SYVN1: variants seen among roughly 807,000 people sequenced by gnomAD.
SYVN1 encodes E3 ubiquitin-protein ligase synoviolin.
In SYVN1, 17 loss-of-function variants were observed where a neutral mutation model predicts 62.6. The ratio of observed to expected loss-of-function variants is 0.27; its 90% CI spans 0.19 to 0.41. The LOEUF (loss-of-function observed/expected upper bound fraction) is 0.41, where lower values mean the gene tolerates loss of function less well. Among genes scored for constraint, SYVN1 ranks in the 10% least tolerant of loss-of-function variants. SYVN1 has a pLI of 1.00. For missense variants in SYVN1, 634 were observed against 818.0 expected (o/e 0.78, Z 2.74); for synonymous variants, 316 against 304.0 (o/e 1.04, Z -0.41).
intron 14 of SYVN1, chr11:65,129,384 GGGC>G: frequency 4.4e-6 from 1 of 224,732 alleles, no homozygotes; most frequent in Non-Finnish European, 8.8e-6. Flanking sequence ...CTCAGTTTGG[GGGC>G]AGCAATTGCC....
At chr11:65,133,127 C>T (rs1193790405) in intron 3 of SYVN1, 33 bp downstream of exon 3, 3 of 1,614,080 alleles carry the variant, frequency 1.9e-6, no homozygotes, top group Non-Finnish European at 1.7e-6. Context: ...TCCCAGCACC[C>T]TGCCCTCACC....
In SYVN1 at chr11:65,130,072, T is replaced by G; in HGVS notation, c.1338A>C (p.Pro446=). 1 of 1,608,886 alleles carries G rather than the reference T, an allele frequency of 6.2e-7. No homozygotes were observed. Among genetic ancestry groups the G allele is most frequent in the Non-Finnish European group, 8.5e-7 (1 of 1,177,288 alleles). The change falls in exon 13 of 16, where the codon CCA becomes CCC. Residue 446 remains proline, a synonymous_variant. Transcript: ENST00000377190. ...TASGPGSGSA[P]EAGPAPGFPF... Reference sequence around the variant, plus strand: ...GGAAACCAGGGGCAGGGCCAGCCTCTGGGGCAGAGCCAGAGCCTGGGCCAG... The same window carrying G: ...GGAAACCAGGGGCAGGGCCAGCCTCGGGGGCAGAGCCAGAGCCTGGGCCAG...
chr11:65,128,405 G>C lies in SYVN1; in HGVS notation c.1831C>G (p.Leu611Val), dbSNP rs780156781. ...AELRRRRLQK[L>V]ESPVAH Reference sequence around the variant, plus strand: ...TGTCAGTGGGCAACAGGAGACTCCAGCTTCTGCAGGCGGCGCCGGCGGAGC... The same window carrying C: ...TGTCAGTGGGCAACAGGAGACTCCACCTTCTGCAGGCGGCGCCGGCGGAGC... Residue 611 changes from leucine to valine, a missense_variant, in exon 16 of 16, where the codon CTG becomes GTG. By Grantham distance (32) the Leu-to-Val change is conservative. Around this residue, in one of 2 missense-constraint regions of SYVN1, gnomAD observed 351 missense variants for 373.3 expected, o/e 0.94. Transcript: ENST00000377190. 1 of 1,613,666 alleles carries C rather than the reference G, an allele frequency of 6.2e-7. No individual in the cohort carries two copies. Among genetic ancestry groups the C allele is most frequent in the East Asian group, 2.2e-5 (1 of 44,886 alleles).
In SYVN1 at chr11:65,128,705, C is replaced by T; in HGVS notation, c.1605G>A (p.Arg535=). ...CAGTGGAGTTGACTGAAGTGGCAGG[C>T]CGGGGGGGCCTGGGAAGAGAAGGGA... ...LTVLASLGPP[R]PATSVNSTEE... The change falls in exon 15 of 16, where the codon CGG becomes CGA. Residue 535 remains arginine (R), a synonymous_variant. Transcript: ENST00000377190. 6.2e-7 allele frequency: 1 copy of T among 1,608,462 alleles called. No homozygotes were observed. The highest frequency in any genetic ancestry group is 1.1e-5 in the South Asian group (1 of 90,652).
intron 1 of SYVN1, 52 bp downstream of exon 1, chr11:65,134,404 G>A (rs1216212134): frequency 2.0e-5 from 3 of 152,738 alleles, no homozygotes; most frequent in Admixed American, 6.5e-5. Flanking sequence ...TCAAGGGGAA[G>A]GTTCGGGTCC....
chr11:65,128,154 T>C lies in SYVN1; in HGVS notation c.*228A>G. ...CCCAGCAGAACACAGGGCTGAAGAGTTGGAGAGGAAGGCTGGAACTGACCC... is the reference window on the plus strand; with the variant it reads ...CCCAGCAGAACACAGGGCTGAAGAGCTGGAGAGGAAGGCTGGAACTGACCC... On this transcript the variant is annotated 3_prime_UTR_variant, in exon 16 of 16. Coordinates refer to ENST00000377190, the MANE Select transcript of SYVN1 (RefSeq NM_172230.3). 3.4e-6 allele frequency: 2 copies of C among 582,612 alleles called. No individual in the cohort carries two copies. The highest frequency in any genetic ancestry group is 6.1e-6 in the Non-Finnish European group (2 of 327,670). The allele number at this position is 582,612 out of a possible 1,614,324, so 36.1% of individuals were successfully genotyped here.
At position 65,129,924 on chromosome 11, in the gene SYVN1, A is replaced by C. The variant is rs1264909843; in HGVS notation, c.1409-9T>G. On this transcript the variant is annotated splice_polypyrimidine_tract_variant and intron_variant, in intron 13 of 15. Transcript: ENST00000377190. Reference sequence around the variant, plus strand: ...AGGCATTGGGGGGAAGGCTGGAGAGAGAGAGGCTCAGTCTGGGCTGCTGGG... The same window carrying C: ...AGGCATTGGGGGGAAGGCTGGAGAGCGAGAGGCTCAGTCTGGGCTGCTGGG... The C allele has an allele frequency of 6.2e-7, 1 of 1,612,332 alleles. No homozygotes were observed. Among genetic ancestry groups the C allele is most frequent in the South Asian group, 1.1e-5 (1 of 91,010 alleles).
chr11:65,133,941 A>C (rs1590829435), intron 1 of SYVN1, among the ~76,000 whole-genome samples: 1 of 152,016 alleles, frequency 6.6e-6, no homozygotes, highest in South Asian at 2.1e-4. Flanking sequence ...TGCACCGCTG[A>C]CCCTCCGGTG....
chr11:65,132,186 T>C, intron 6 of SYVN1, 62 bp downstream of exon 6: 1 of 1,311,584 alleles, frequency 7.6e-7, no homozygotes, highest in Non-Finnish European at 1.1e-6. Context: ...TCTGTTGGGT[T>C]ATTCAAGGCA....
rs751042478 is a variant in SYVN1, at chr11:65,129,923, G to A, written c.1409-8C>T. On this transcript the variant is annotated splice_region_variant and splice_polypyrimidine_tract_variant and intron_variant, in intron 13 of 15. Coordinates refer to ENST00000377190, the MANE Select transcript of SYVN1 (RefSeq NM_172230.3). ...CAGGCATTGGGGGGAAGGCTGGAGA[G>A]AGAGAGGCTCAGTCTGGGCTGCTGG... 2 of 1,612,622 alleles carry A rather than the reference G, an allele frequency of 1.2e-6. No homozygotes were observed. The highest frequency in any genetic ancestry group is 1.7e-6 in the Non-Finnish European group (2 of 1,179,016).
chr11:65,128,048 T>G lies in SYVN1; in HGVS notation c.*334A>C, dbSNP rs1948124001. On this transcript the variant is annotated 3_prime_UTR_variant, in exon 16 of 16. Coordinates refer to ENST00000377190, the MANE Select transcript of SYVN1 (RefSeq NM_172230.3). ...GTGACTCCGCACATACAAGTAGGGCTTGGAGGGGCAGCCCCTTCTCCTGGA... is the reference window on the plus strand; with the variant it reads ...GTGACTCCGCACATACAAGTAGGGCGTGGAGGGGCAGCCCCTTCTCCTGGA... The G allele has an allele frequency of 2.2e-6, 1 of 458,904 alleles. No individual in the cohort carries two copies. The highest frequency in any genetic ancestry group is 2.5e-5 in the South Asian group (1 of 40,322). 28.4% of individuals were successfully genotyped at this position (458,904 alleles called of 1,614,324 possible). A position where few individuals can be genotyped will look rare whatever the true frequency, so the allele number is the denominator to read the frequency against.
Position 65,132,364 on chromosome 11 carries a change from C to A in SYVN1, c.428-13G>T, listed in dbSNP as rs1458646032. 6.3e-7 allele frequency: 1 copy of A among 1,594,378 alleles called. No individual in the cohort carries two copies. Among genetic ancestry groups the A allele is most frequent in the Middle Eastern group, 1.7e-4 (1 of 6,008 alleles). ...AGGAACATAAGAGCTGTGGGGACCC[C>A]CACACATGCAGGGTGGGGGGGTCAG... On this transcript the variant is annotated splice_polypyrimidine_tract_variant and intron_variant, in intron 5 of 15. Transcript: ENST00000377190.
chr11:65,128,273 G>T lies in SYVN1; in HGVS notation c.*109C>A. On this transcript the variant is annotated 3_prime_UTR_variant, in exon 16 of 16. Coordinates refer to ENST00000377190, the MANE Select transcript of SYVN1 (RefSeq NM_172230.3). ...GATGCCGCCTCTTTCTCAGAGCTGG[G>T]GGTACTACTCCCTGGTGCAGACAGA... The T allele has an allele frequency of 1.1e-6, 1 of 906,044 alleles. No homozygotes were observed. The highest frequency in any genetic ancestry group is 1.7e-6 in the Non-Finnish European group (1 of 579,360). The allele number at this position is 906,044 out of a possible 1,614,324, so 56.1% of individuals were successfully genotyped here.
intron 14 of SYVN1, 171 bp downstream of exon 14, chr11:65,129,558 G>C: frequency 1.7e-6 from 1 of 593,524 alleles, no homozygotes; most frequent in East Asian, 2.8e-5. Context: ...TTTCTGGAGT[G>C]GGAAATAAAG....
Position 65,131,386 on chromosome 11 carries a change from G to A in SYVN1, c.659-13C>T, listed in dbSNP as rs1268232612. ...ACCTTGATGAAGCCTGAGGGGAGGG[G>A]ATGCAGAAAGCAGCAGGTCACAGGG... On this transcript the variant is annotated splice_polypyrimidine_tract_variant and intron_variant, in intron 7 of 15. Transcript: ENST00000377190. 1.2e-6 allele frequency: 2 copies of A among 1,613,832 alleles called. No homozygotes were observed. Among genetic ancestry groups the A allele is most frequent in the African/African-American group, 2.7e-5 (2 of 74,900 alleles).
intron 6 of SYVN1, 54 bp downstream of exon 6, chr11:65,132,194 G>T: frequency 1.4e-6 from 2 of 1,382,806 alleles, no homozygotes; most frequent in Non-Finnish European, 2.1e-6. Context: ...GTTATTCAAG[G>T]CACATGTGGG....
At chr11:65,132,650 G>GT (rs1948196090) in intron 5 of SYVN1, 82 bp downstream of exon 5, 2 of 1,439,568 alleles carry the variant, frequency 1.4e-6, no homozygotes, top group Non-Finnish European at 2.0e-6. Context: ...CTGTACAGCT[G>GT]TGGGGGGTAG....
At position 65,132,263 on chromosome 11, in the gene SYVN1, C is replaced by T; in HGVS notation, c.516G>A (p.Leu172=). 1 of 1,614,008 alleles carries T rather than the reference C, an allele frequency of 6.2e-7. No homozygotes were observed. The highest frequency in any genetic ancestry group is 8.5e-7 in the Non-Finnish European group (1 of 1,179,894). Residue 172 remains leucine (L), a synonymous_variant, in exon 6 of 16, where the codon CTG becomes CTA. Transcript: ENST00000377190. The stretch of plus-strand genomic sequence containing the variant: ...CCAGTTTTACCTCAAAGCCAAACAC[C>T]AGCTGCACAGAGGCCCCACGGGTCA... ...SILTRGASVQ[L]VFGFEYAILM... is the part of the protein sequence containing the mutation.
intron 5 of SYVN1, 66 bp from the exon 6 acceptor site, chr11:65,132,417 C>T (rs1011489453): frequency 8.8e-7 from 1 of 1,130,886 alleles, no homozygotes; most frequent in African/African-American, 1.5e-5. Context: ...GTTTAATGCT[C>T]TAGGACAGCC....
Sources: allele counts gnomAD v4.1 joint callset (sites outside exome capture counted in the v4.1 genomes callset), GRCh38; gene constraint gnomAD v4.1.1; regional missense constraint gnomAD v4.1.1; transcripts MANE v1.5; gene names NCBI Gene and HGNC (gene_info 2026-07-23, HGNC 2026-07-21).